The following WDR88 variants were observed in gnomAD, a reference collection of about 807,000 sequenced individuals.
WDR88 encodes the protein WD repeat domain 88.
In WDR88, 40 loss-of-function variants were observed where a neutral mutation model predicts 46.8. The ratio of observed to expected loss-of-function variants is 0.86; its 90% CI spans 0.66 to 1.11. The LOEUF (loss-of-function observed/expected upper bound fraction) is 1.11, where lower values mean the gene tolerates loss of function less well. Ranked by LOEUF, WDR88 falls within the 50% of genes most tolerant of loss-of-function variation. The pLI is 0.00. For synonymous variants in WDR88, 235 were observed against 240.7 expected (o/e 0.98, Z 0.22); for missense variants, 562 against 602.4 (o/e 0.93, Z 0.70).
At chr19:33,169,659 C>A (rs1275217173) in intron 9 of WDR88, among the ~76,000 whole-genome samples, 3 of 115,120 alleles carry the variant, frequency 2.6e-5, no homozygotes, top group African/African-American at 6.6e-5. Context: ...AGAGTGAGAC[C>A]CAGTCTCAAA....
In WDR88 at chr19:33,132,129, A is replaced by T; in HGVS notation, c.-41A>T. Reference sequence around the variant, plus strand: ...GCGGGCGCGCGGCGCCACCGTTCCCATCCAGGCTTGTCGGCGGCCACCGGC... The same window carrying T: ...GCGGGCGCGCGGCGCCACCGTTCCCTTCCAGGCTTGTCGGCGGCCACCGGC... On this transcript the variant is annotated 5_prime_UTR_variant, in exon 1 of 11. Coordinates refer to ENST00000355868, the MANE Select transcript of WDR88 (RefSeq NM_173479.4). 6.5e-7 allele frequency: 1 copy of T among 1,546,390 alleles called. No individual in the cohort carries two copies.
chr19:33,140,243 C>T (rs968292567), intron 2 of WDR88, among the ~76,000 whole-genome samples: 1 of 152,200 alleles, frequency 6.6e-6, no homozygotes, highest in East Asian at 1.9e-4. Flanking sequence ...CAGCCTCAAC[C>T]TCCTGGACTC....
chr19:33,144,034 G>T (rs914696152), intron 2 of WDR88, among the ~76,000 whole-genome samples: 1 of 152,108 alleles, frequency 6.6e-6, no homozygotes, highest in Admixed American at 6.6e-5. Context: ...TGGAGGGAGT[G>T]GGCCGATCTC....
Position 33,144,897 on chromosome 19 carries a change from T to C in WDR88, c.441T>C (p.Pro147=). ...VRDFEHRPKA[P]VVECSITGDS... ...ATTTTGAGCACAGGCCCAAAGCTCC[T>C]GTTGTAGAGTGCAGCATCACCGGCG... The change falls in exon 3 of 11, where the codon CCT becomes CCC. Residue 147 remains proline, a synonymous_variant. Transcript: ENST00000355868. The C allele has an allele frequency of 1.2e-6, 2 of 1,613,778 alleles. No homozygotes were observed. The highest frequency in any genetic ancestry group is 2.7e-5 in the African/African-American group (2 of 75,060).
rs994716918 is a variant in WDR88, at chr19:33,164,210, G to A, written c.1094G>A (p.Trp365Ter). 8 of 1,613,748 alleles carry A rather than the reference G, an allele frequency of 5.0e-6. No homozygotes were observed. The highest frequency in any genetic ancestry group is 3.3e-4 in the Middle Eastern group (2 of 6,084). Residue 365 changes from tryptophan to a stop codon, truncating the protein, a stop_gained, in exon 9 of 11, where the codon TGG becomes TAG. Transcript: ENST00000355868. LOFTEE classifies it high-confidence loss of function. ...ATATTTCTTCAGGGCCATAATGACT[G>A]GGTGATGGATGTTGCCATTAGCAAC... ...RKLSLKGHND[W>*]VMDVAISNNK...
chr19:33,153,233 T>G (rs867149150), intron 6 of WDR88, among the ~76,000 whole-genome samples: 2 of 144,796 alleles, frequency 1.4e-5, no homozygotes, highest in South Asian at 4.2e-4. Context: ...AAGTTTGTTT[T>G]TTTTTTTTTT....
intron 7 of WDR88, among the ~76,000 whole-genome samples, chr19:33,157,701 A>G (rs373945581): frequency 1.1e-4 from 1 of 8,988 alleles, no homozygotes; most frequent in Non-Finnish European, 4.2e-4. Context: ...ATATATATAT[A>G]TATATATATA....
intron 7 of WDR88, 51 bp from the exon 8 acceptor site, chr19:33,160,363 C>T: frequency 6.3e-7 from 1 of 1,598,334 alleles, no homozygotes; most frequent in Non-Finnish European, 8.6e-7. Flanking sequence ...TTTGGGCTCA[C>T]TTGGCTTGGA....
intron 1 of WDR88, among the ~76,000 whole-genome samples, chr19:33,134,795 G>A (rs901161058): frequency 2.6e-5 from 4 of 151,478 alleles, no homozygotes; most frequent in Non-Finnish European, 4.4e-5. Flanking sequence ...CCCTAGAGGC[G>A]GGGTATCATC....
At chr19:33,155,040 G>C (rs1184980260) in intron 6 of WDR88, among the ~76,000 whole-genome samples, 1 of 152,170 alleles carries the variant, frequency 6.6e-6, no homozygotes, top group Non-Finnish European at 1.5e-5. Flanking sequence ...AATCACAGGA[G>C]AAAGACATTG....
intron 2 of WDR88, among the ~76,000 whole-genome samples, chr19:33,143,914 C>T (rs541421723): frequency 1.3e-5 from 2 of 152,248 alleles, no homozygotes; most frequent in South Asian, 4.1e-4. Context: ...CTTTATTTTC[C>T]AACTGTTTAT....
chr19:33,135,181 GAGT>G (rs1463552893), intron 1 of WDR88, among the ~76,000 whole-genome samples: 1 of 151,946 alleles, frequency 6.6e-6, no homozygotes, highest in Admixed American at 6.6e-5. Context: ...AGGGTATTCA[GAGT>G]ACTGTACTCC....
intron 7 of WDR88, among the ~76,000 whole-genome samples, chr19:33,158,421 G>A (rs1390301723): frequency 6.6e-6 from 1 of 151,032 alleles, no homozygotes; most frequent in African/African-American, 2.4e-5. Flanking sequence ...GTGAGACTCT[G>A]TCTCAAAAAA....
At chr19:33,171,838 A>C (rs60549786) in intron 9 of WDR88, among the ~76,000 whole-genome samples, 16,330 of 152,144 alleles carry the variant, frequency 0.11, 1,738 homozygotes, top group African/African-American at 0.28. Flanking sequence ...CAGTGGTGCG[A>C]TCTTGGCTCA....
At chr19:33,148,358 G>C (rs1203821782) in intron 4 of WDR88, among the ~76,000 whole-genome samples, 1 of 152,010 alleles carries the variant, frequency 6.6e-6, no homozygotes, top group Non-Finnish European at 1.5e-5. Flanking sequence ...AACCTTTCTT[G>C]TTAGTGCAAA....
chr19:33,168,802 G>C (rs539903658), intron 9 of WDR88, among the ~76,000 whole-genome samples: 2 of 152,100 alleles, frequency 1.3e-5, no homozygotes, highest in Non-Finnish European at 2.9e-5. Flanking sequence ...AGGGGAAGGA[G>C]AAGAATAAGA....
chr19:33,146,723 G>A (rs1973526195), intron 3 of WDR88, among the ~76,000 whole-genome samples: 1 of 152,046 alleles, frequency 6.6e-6, no homozygotes, highest in Non-Finnish European at 1.5e-5. Flanking sequence ...TCACCATGTT[G>A]GCCAGGCTGG....
At chr19:33,163,105 A>G (rs1173565242) in intron 8 of WDR88, among the ~76,000 whole-genome samples, 1 of 152,100 alleles carries the variant, frequency 6.6e-6, no homozygotes, top group Non-Finnish European at 1.5e-5. Context: ...AGGCCGAGGC[A>G]GGCAGATCAC....
chr19:33,166,541 G>A lies in WDR88; in HGVS notation c.1149+2276G>A, dbSNP rs180964590. 1.2e-3 allele frequency among the ~76,000 whole-genome samples: 184 copies of A among 152,174 alleles called. 1 individual carries two copies. Among genetic ancestry groups the A allele is most frequent in the Admixed American group, 4.8e-3 (74 of 15,268 alleles). On this transcript the variant is annotated intron_variant, in intron 9 of 10. Coordinates refer to ENST00000355868, the MANE Select transcript of WDR88 (RefSeq NM_173479.4). ...GAGCTTAGGAGGTTGAGGCTGCAGC[G>A]GGCTGTGATCATGCCATTATACTCC... is the stretch of plus-strand genomic sequence containing the variant.
Sources: allele counts gnomAD v4.1 joint callset (sites outside exome capture counted in the v4.1 genomes callset), GRCh38; gene constraint gnomAD v4.1.1; transcripts MANE v1.5; gene names NCBI Gene and HGNC (gene_info 2026-07-23, HGNC 2026-07-21).